HEATR4: variants seen among roughly 807,000 people sequenced by gnomAD.
HEATR4 encodes the protein HEAT repeat containing 4.
A neutral mutation model predicts 108.8 loss-of-function variants in HEATR4; 95 were observed. That is an observed-to-expected ratio of 0.87 (90% CI 0.74 to 1.04). HEATR4 has a LOEUF of 1.04. Ranked by LOEUF, HEATR4 falls within the 50% of genes least tolerant of loss-of-function variation. The pLI is 0.00. For synonymous variants in HEATR4, 443 were observed against 459.4 expected, an observed-to-expected ratio of 0.96 and a Z score of 0.46; for missense variants, 1,152 against 1,253.8, an observed-to-expected ratio of 0.92 and a Z score of 1.23.
chr14:73,569,381 T>G, the HEATR4 span: 11 of 1,613,874 alleles, frequency 6.8e-6, no homozygotes, highest in Non-Finnish European at 9.3e-6. Context: ...TCCTGGGGTC[T>G]CCACAGCTGA....
intron 7 of HEATR4, among the ~76,000 whole-genome samples, chr14:73,510,827 C>A (rs980019009): frequency 2.6e-5 from 4 of 152,142 alleles, no homozygotes; most frequent in Non-Finnish European, 5.9e-5. Flanking sequence ...TGAATTTATG[C>A]TTTACAGGAA....
At chr14:73,561,002 T>C (rs1395310974), upstream of HEATR4, among the ~76,000 whole-genome samples, 1 of 152,056 alleles carries the variant, frequency 6.6e-6, no homozygotes, top group African/African-American at 2.4e-5. Flanking sequence ...AACCCAAATG[T>C]CCATCAGTGA....
At chr14:73,560,891 T>G (rs1418792079), upstream of HEATR4, among the ~76,000 whole-genome samples, 1 of 151,892 alleles carries the variant, frequency 6.6e-6, no homozygotes. Context: ...GCAATTCTAC[T>G]TCTGGGTACA....
In HEATR4 at chr14:73,558,513, ATTTTTTTTT is replaced by A. The variant is rs66706377; in HGVS notation, c.-152+229_-152+237del. Among the ~76,000 whole-genome samples the A allele has an allele frequency of 1.6e-4, 12 of 73,534 alleles. No homozygotes were observed. The South Asian group carries it at 3.5e-3, about 21-fold the overall frequency. 48.2% of individuals were successfully genotyped at this position (73,534 alleles called of 152,430 possible). A position where few individuals can be genotyped will look rare whatever the true frequency, so the allele number is the denominator to read the frequency against. On this transcript the variant is annotated intron_variant, in intron 1 of 17. Coordinates refer to ENST00000553558, the MANE Select transcript of HEATR4 (RefSeq NM_001220484.1). ...CACATAGCACACCACTCTCGGTTAA[ATTTTTTTTT>A]TTTTTTTTTTTTTTGTAGAGATAGA...
chr14:73,491,419 G>T, intron 17 of HEATR4: 1 of 1,348,730 alleles, frequency 7.4e-7, no homozygotes, highest in South Asian at 1.9e-5. Flanking sequence ...GCCTGGTGGA[G>T]GTGCCCGCCG....
the HEATR4 span, among the ~76,000 whole-genome samples, chr14:73,626,596 G>GGAA: frequency 6.6e-6 from 1 of 152,026 alleles, no homozygotes; most frequent in Non-Finnish European, 1.5e-5. Flanking sequence ...TGGAGGCTGA[G>GGAA]GAAGAAGGAT....
chr14:73,508,751 CAA>C (rs770608293), intron 8 of HEATR4, among the ~76,000 whole-genome samples: 10 of 57,864 alleles, frequency 1.7e-4, no homozygotes, highest in African/African-American at 2.6e-4. Flanking sequence ...AACTCTGTCT[CAA>C]AAAAAAAAAA....
chr14:73,479,681 C>T (rs1317961212), intron 17 of HEATR4, among the ~76,000 whole-genome samples: 1 of 152,012 alleles, frequency 6.6e-6, no homozygotes, highest in East Asian at 1.9e-4. Context: ...CCGCCGGCCT[C>T]GGCCTCCCAA....
At chr14:73,490,403 C>G (rs1885632693) in intron 17 of HEATR4, among the ~76,000 whole-genome samples, 1 of 152,232 alleles carries the variant, frequency 6.6e-6, no homozygotes, top group African/African-American at 2.4e-5. Flanking sequence ...CAAGCTCTGC[C>G]TCCCGGGTTC....
chr14:73,589,625 A>T, the HEATR4 span, among the ~76,000 whole-genome samples: 1 of 152,146 alleles, frequency 6.6e-6, no homozygotes, highest in Non-Finnish European at 1.5e-5. Flanking sequence ...AGCCTACCTT[A>T]TATTTCATCA....
the HEATR4 span, among the ~76,000 whole-genome samples, chr14:73,628,124 C>G: frequency 2.9e-4 from 44 of 152,092 alleles, no homozygotes; most frequent in African/African-American, 1.0e-3. Flanking sequence ...TTCTTTAATC[C>G]TGCCTTGGTG....
Position 73,545,916 on chromosome 14 carries a change from G to A in HEATR4, c.-152+12835C>T, listed in dbSNP as rs1417560053. On this transcript the variant is annotated intron_variant, in intron 1 of 17. Coordinates refer to ENST00000553558, the MANE Select transcript of HEATR4 (RefSeq NM_001220484.1). ...TAATCCCAGCTACTTGGAGGCTGAG[G>A]CAGTAGTAGTATTGCTTAAGCCCAG... Among the ~76,000 whole-genome samples, 3 of 113,654 alleles carry A rather than the reference G, an allele frequency of 2.6e-5. No individual in the cohort carries two copies. The Admixed American group carries it at 3.0e-4, about 11-fold the overall frequency. The allele number at this position is 113,654 out of a possible 152,430, so 74.6% of individuals were successfully genotyped here.
At chr14:73,596,665 C>A in the HEATR4 span, among the ~76,000 whole-genome samples, 1 of 152,086 alleles carries the variant, frequency 6.6e-6, no homozygotes, top group African/African-American at 2.4e-5. Context: ...GTGGCATGAT[C>A]TCAGCTCACT....
At chr14:73,526,441 C>T (rs539415275) in intron 2 of HEATR4, among the ~76,000 whole-genome samples, 17 of 152,136 alleles carry the variant, frequency 1.1e-4, no homozygotes, top group African/African-American at 3.4e-4. Context: ...TGTGTGTGAC[C>T]GCGTGTGACA....
the HEATR4 span, chr14:73,595,250 G>C: frequency 1.2e-6 from 2 of 1,614,054 alleles, no homozygotes; most frequent in Non-Finnish European, 1.7e-6. Context: ...AGCTTTCTCA[G>C]GCCTCGTGGA....
At chr14:73,583,771 G>T in the HEATR4 span, among the ~76,000 whole-genome samples, 1 of 151,946 alleles carries the variant, frequency 6.6e-6, no homozygotes, top group Non-Finnish European at 1.5e-5. Flanking sequence ...AGGCTGAGGT[G>T]GATGGGTCAC....
chr14:73,579,376 A>G, the HEATR4 span, among the ~76,000 whole-genome samples: 1 of 149,646 alleles, frequency 6.7e-6, no homozygotes, highest in Non-Finnish European at 1.5e-5. Flanking sequence ...GGAGTCTGAG[A>G]CCAGCCAGGT....
rs190151634 is a variant in HEATR4 at position 73,551,459 on chromosome 14, G to C, written c.-152+7292C>G. 1.3e-4 allele frequency among the ~76,000 whole-genome samples: 15 copies of C among 114,688 alleles called. 6 individuals carry two copies. Among genetic ancestry groups the C allele is most frequent in the Admixed American group, 1.2e-3 (12 of 10,076 alleles). 75.2% of individuals were successfully genotyped at this position (114,688 alleles called of 152,430 possible). A position where few individuals can be genotyped will look rare whatever the true frequency, so the allele number is the denominator to read the frequency against. On this transcript the variant is annotated intron_variant, in intron 1 of 17. Transcript: ENST00000553558. Reference sequence around the variant, plus strand: ...GATCCACAGGTGTTAACATTAAAGTGTTAATTGAATGCAGGTGCCAGGGAG... The same window carrying C: ...GATCCACAGGTGTTAACATTAAAGTCTTAATTGAATGCAGGTGCCAGGGAG...
intron 17 of HEATR4, chr14:73,491,350 C>T (rs1248575941): frequency 1.4e-6 from 2 of 1,435,450 alleles, no homozygotes; most frequent in South Asian, 1.4e-5. Flanking sequence ...CCTCGCCCGC[C>T]GCGCGCTCCC....
Sources: gnomAD v4.1 joint callset for allele counts (sites outside exome capture counted in the v4.1 genomes callset) on GRCh38, gnomAD v4.1.1 for gene constraint, MANE v1.5 for transcripts, NCBI Gene and HGNC (gene_info 2026-07-23, HGNC 2026-07-21) for gene names.